COG5: variants seen among roughly 807,000 people sequenced by gnomAD.
The protein encoded by COG5 is component of oligomeric golgi complex 5.
In COG5, 86 loss-of-function variants were observed where a neutral mutation model predicts 110.4. The observed-to-expected ratio is 0.78, with a 90% CI of 0.65 to 0.93. The LOEUF (loss-of-function observed/expected upper bound fraction) is 0.93. COG5 is among the 40% of genes least tolerant of loss of function. The pLI, the probability that COG5 is intolerant of heterozygous loss-of-function variation, is 0.00. For synonymous variants in COG5, 360 were observed against 334.6 expected (o/e 1.08, Z -0.83); for missense variants, 1,077 against 987.0 (o/e 1.09, Z -1.22).
chr7:107,217,324 A>G (rs1354183046), intron 19 of COG5, among the ~76,000 whole-genome samples: 3 of 152,134 alleles, frequency 2.0e-5, no homozygotes, highest in Non-Finnish European at 4.4e-5. Context: ...TTTAAAGAAG[A>G]GCTAATACCA....
At chr7:107,303,119 G>A (rs12534662) in intron 11 of COG5, among the ~76,000 whole-genome samples, 2,256 of 152,022 alleles carry the variant, frequency 0.015, 23 homozygotes, top group Non-Finnish European at 0.024. Context: ...TCTTAGAGAT[G>A]AGGTCTCACT....
rs1372441569 is a variant in COG5, at chr7:107,438,637, T to C, written c.539-26005A>G. The stretch of plus-strand genomic sequence containing the variant: ...TTCCTGCCCTACAATACCCCTGGAC[T>C]ATCACATGAGAAAGATGCATCTGTT... On this transcript the variant is annotated intron_variant, in intron 6 of 21. Coordinates refer to ENST00000297135, the MANE Select transcript of COG5 (RefSeq NM_006348.5). Among the ~76,000 whole-genome samples, 3 of 152,186 alleles carry C rather than the reference T, an allele frequency of 2.0e-5. No homozygotes were observed. In the East Asian group the frequency reaches 5.8e-4, roughly 29 times the overall value.
intron 6 of COG5, among the ~76,000 whole-genome samples, chr7:107,511,077 T>A (rs9655790): frequency 0.2 from 26,640 of 129,968 alleles, 3,267 homozygotes; most frequent in East Asian, 0.26. Context: ...AGACACAAAA[T>A]ACCGTTCAAA....
At chr7:107,418,936 A>G (rs10238481) in intron 6 of COG5, among the ~76,000 whole-genome samples, 93,570 of 151,678 alleles carry the variant, frequency 0.62, 31,284 homozygotes, top group African/African-American at 0.9. Context: ...CACCATGTCC[A>G]GCTAATTTTT....
At chr7:107,254,145 A>G (rs1485247198) in intron 16 of COG5, among the ~76,000 whole-genome samples, 1 of 152,176 alleles carries the variant, frequency 6.6e-6, no homozygotes, top group Non-Finnish European at 1.5e-5. Flanking sequence ...GCCTAAAATA[A>G]CATTTAATTT....
chr7:107,366,132 G>A (rs977067387), intron 8 of COG5, among the ~76,000 whole-genome samples: 1 of 151,916 alleles, frequency 6.6e-6, no homozygotes, highest in Non-Finnish European at 1.5e-5. Context: ...TCAAATTACT[G>A]GAATACTCAC....
chr7:107,498,210 C>T (rs1182691449), intron 6 of COG5, among the ~76,000 whole-genome samples: 1 of 152,118 alleles, frequency 6.6e-6, no homozygotes, highest in African/African-American at 2.4e-5. Flanking sequence ...AAACTCTGTA[C>T]CATTGGTCTT....
chr7:107,203,483 C>A lies in COG5; in HGVS notation c.*33G>T, dbSNP rs1191742020. On this transcript the variant is annotated 3_prime_UTR_variant, in exon 22 of 22. Coordinates refer to ENST00000297135, the MANE Select transcript of COG5 (RefSeq NM_006348.5). ...TAACTGCCAACTATGAATGGGTTAG[C>A]ACAAAGTGGAGATGAACAAAGATTT... 4 of 1,457,622 alleles carry A rather than the reference C, an allele frequency of 2.7e-6. No homozygotes were observed. Among genetic ancestry groups the A allele is most frequent in the Non-Finnish European group, 1.9e-6 (2 of 1,037,532 alleles). The allele number at this position is 1,457,622 out of a possible 1,614,324, so 90.3% of individuals were successfully genotyped here. A position where few individuals can be genotyped will look rare whatever the true frequency, so the allele number is the denominator to read the frequency against.
chr7:107,374,827 A>G (rs1814491031), intron 7 of COG5, among the ~76,000 whole-genome samples: 1 of 152,056 alleles, frequency 6.6e-6, no homozygotes. Context: ...ATTCATATTT[A>G]TAGCTTAACA....
chr7:107,531,328 G>C (rs1801185463), intron 5 of COG5, among the ~76,000 whole-genome samples: 1 of 152,082 alleles, frequency 6.6e-6, no homozygotes, highest in Non-Finnish European at 1.5e-5. Flanking sequence ...ACATTAGAGG[G>C]TGGTATATTT....
At chr7:107,486,300 C>T (rs999096591) in intron 6 of COG5, among the ~76,000 whole-genome samples, 1 of 152,014 alleles carries the variant, frequency 6.6e-6, no homozygotes, top group Non-Finnish European at 1.5e-5. Context: ...CAGAGGCTAG[C>T]AATCTCTCAC....
intron 10 of COG5, among the ~76,000 whole-genome samples, chr7:107,351,885 T>C (rs1205076736): frequency 6.7e-6 from 1 of 149,550 alleles, no homozygotes; most frequent in African/African-American, 2.4e-5. Flanking sequence ...AGTTCAACCA[T>C]TGTGGAAGTC....
intron 6 of COG5, among the ~76,000 whole-genome samples, chr7:107,417,877 A>C (rs569460604): frequency 6.6e-6 from 1 of 152,214 alleles, no homozygotes; most frequent in East Asian, 1.9e-4. Flanking sequence ...TAATTATATA[A>C]TAATATTCAC....
chr7:107,563,113 T>C (rs1486352144), intron 1 of COG5, among the ~76,000 whole-genome samples: 2 of 152,330 alleles, frequency 1.3e-5, no homozygotes, highest in East Asian at 1.9e-4. Flanking sequence ...GGTAACTGGA[T>C]TGACACAACT....
intron 6 of COG5, among the ~76,000 whole-genome samples, chr7:107,428,059 T>C (rs1440013180): frequency 6.6e-6 from 1 of 151,984 alleles, no homozygotes; most frequent in Non-Finnish European, 1.5e-5. Flanking sequence ...GGCTCGACAG[T>C]ATAAAAAACC....
chr7:107,264,737 T>G (rs1562940507), intron 14 of COG5, among the ~76,000 whole-genome samples: 1 of 151,838 alleles, frequency 6.6e-6, no homozygotes, highest in Non-Finnish European at 1.5e-5. Flanking sequence ...AAATGGATCA[T>G]AAGAAAATAA....
In COG5 at chr7:107,496,020, G is replaced by A. The variant is rs140833921; in HGVS notation, c.538+31217C>T. Among the ~76,000 whole-genome samples the A allele has an allele frequency of 5.1e-3, 777 of 151,242 alleles. 1 individual carries two copies. The highest frequency in any genetic ancestry group is 9.4e-3 in the Non-Finnish European group (636 of 67,838). ...TGGTCTTGAACTCCTGAGCTCAAAC[G>A]ATCCTCCCACCTTAGCCTCCTGAGT... On this transcript the variant is annotated intron_variant, in intron 6 of 21. Transcript: ENST00000297135.
rs75385288 is a variant in COG5, at chr7:107,541,197, A to T, written c.417+6914T>A. 5.5e-3 allele frequency among the ~76,000 whole-genome samples: 826 copies of T among 150,236 alleles called. 8 individuals are homozygous for T. Among genetic ancestry groups the T allele is most frequent in the African/African-American group, 0.019 (795 of 40,856 alleles). ...AAACATGTATATGTTCAAGAAGGTA[A>T]ATGAAAACATGAATGTCAGCCGGAC... On this transcript the variant is annotated intron_variant, in intron 5 of 21. Transcript: ENST00000297135.
chr7:107,563,240 T>C (rs1054063036), intron 1 of COG5, among the ~76,000 whole-genome samples: 2 of 152,024 alleles, frequency 1.3e-5, no homozygotes, highest in Admixed American at 6.6e-5. Flanking sequence ...AATCCCAACC[T>C]GAACAAATGT....
Sources: allele counts gnomAD v4.1 joint callset (sites outside exome capture counted in the v4.1 genomes callset), GRCh38; gene constraint gnomAD v4.1.1; transcripts MANE v1.5; gene names NCBI Gene and HGNC (gene_info 2026-07-23, HGNC 2026-07-21).